CLVS1: variants seen among roughly 807,000 people sequenced by gnomAD.
The protein encoded by CLVS1 is clavesin-1.
CLVS1 carries 10 observed loss-of-function variants against 33.1 expected under a neutral mutation model. The ratio of observed to expected loss-of-function variants is 0.30; its 90% confidence interval spans 0.19 to 0.51. The LOEUF is 0.51. CLVS1 is among the 20% of genes least tolerant of loss of function. The probability of loss-of-function intolerance (pLI) is 0.97; values close to 1 mark genes in which losing one functional copy is unlikely to be tolerated. For missense variants in CLVS1, 343 were observed against 433.4 expected (o/e 0.79, Z 1.85); for synonymous variants, 163 against 166.1 (o/e 0.98, Z 0.14).
chr8:61,409,119 T>C (rs1405486051), intron 3 of CLVS1, among the ~76,000 whole-genome samples: 1 of 152,202 alleles, frequency 6.6e-6, no homozygotes, highest in African/African-American at 2.4e-5. Context: ...GGTGAGACTA[T>C]TAAAATCAGA....
intron 1 of CLVS1, among the ~76,000 whole-genome samples, chr8:61,293,598 A>C (rs1278980192): frequency 6.6e-6 from 1 of 152,216 alleles, no homozygotes; most frequent in Non-Finnish European, 1.5e-5. Flanking sequence ...GCTTAGATAT[A>C]TCAGCAGCAT....
At chr8:61,098,756 A>T (rs1047755901) in intron 1 of CLVS1, among the ~76,000 whole-genome samples, 4 of 152,148 alleles carry the variant, frequency 2.6e-5, no homozygotes, top group Non-Finnish European at 5.9e-5. Context: ...ATCCACCCCC[A>T]GTCTGCCTCT....
At chr8:61,110,566 A>G (rs937348075) in intron 1 of CLVS1, among the ~76,000 whole-genome samples, 23 of 152,252 alleles carry the variant, frequency 1.5e-4, no homozygotes, top group Non-Finnish European at 3.1e-4. Flanking sequence ...CATAAAATGT[A>G]CCATCTTAAC....
chr8:61,300,126 A>G lies in CLVS1; in HGVS notation c.299A>G (p.Tyr100Cys). 1 of 1,614,036 alleles carries G rather than the reference A, an allele frequency of 6.2e-7. No individual in the cohort carries two copies. The highest frequency in any genetic ancestry group is 8.5e-7 in the Non-Finnish European group (1 of 1,179,972). The stretch of plus-strand genomic sequence containing the variant: ...AGACTCCTGGCTCAGTATTTCCAGT[A>G]CCGCCAGCTAAACCTGGACATGTTC... Reference protein sequence around the residue: ...AFRLLAQYFQYRQLNLDMFKN... With the variant: ...AFRLLAQYFQCRQLNLDMFKN... The change falls in exon 2 of 6, where the codon TAC (tyrosine) becomes TGC (cysteine). Residue 100 changes from tyrosine to cysteine, a missense_variant. By Grantham distance (194) the Tyr-to-Cys change is radical (BLOSUM62 -2). Around this residue, in one of 4 missense-constraint regions of CLVS1, gnomAD observed 166 missense variants for 244.0 expected, o/e 0.68. Coordinates refer to ENST00000325897, the MANE Select transcript of CLVS1 (RefSeq NM_173519.3).
intron 2 of CLVS1, among the ~76,000 whole-genome samples, chr8:61,228,684 A>G (rs1808376596): frequency 6.6e-6 from 1 of 152,184 alleles, no homozygotes; most frequent in Admixed American, 6.5e-5. Context: ...CACTTAATAT[A>G]ATGTCCTCCA....
intron 5 of CLVS1, among the ~76,000 whole-genome samples, chr8:61,478,851 C>A (rs1818066304): frequency 6.6e-6 from 1 of 152,098 alleles, no homozygotes; most frequent in Non-Finnish European, 1.5e-5. Context: ...TGAATTTGAT[C>A]CTGTCATTGA....
intron 2 of CLVS1, among the ~76,000 whole-genome samples, chr8:61,176,460 T>A (rs1271352615): frequency 6.6e-6 from 1 of 152,226 alleles, no homozygotes; most frequent in Non-Finnish European, 1.5e-5. Flanking sequence ...TGAATTTTGT[T>A]AATAAGTAGG....
intron 2 of CLVS1, among the ~76,000 whole-genome samples, chr8:61,339,887 G>T: frequency 6.7e-6 from 1 of 150,314 alleles, no homozygotes; most frequent in East Asian, 2.0e-4. Context: ...AAGAGAAGGA[G>T]GGAGGGAGAA....
intron 3 of CLVS1, among the ~76,000 whole-genome samples, chr8:61,446,027 G>T (rs1007354811): frequency 4.6e-5 from 7 of 151,932 alleles, no homozygotes; most frequent in Non-Finnish European, 1.0e-4. Context: ...TCCTAATGTT[G>T]GTAATTTGTG....
intron 5 of CLVS1, among the ~76,000 whole-genome samples, chr8:61,498,781 G>A (rs2129608912): frequency 6.6e-6 from 1 of 152,278 alleles, no homozygotes; most frequent in Middle Eastern, 3.4e-3. Flanking sequence ...CTAGTATACA[G>A]GTGAGAGAAT....
At chr8:61,256,238 G>A (rs1331425881) in intron 2 of CLVS1, among the ~76,000 whole-genome samples, 3 of 152,238 alleles carry the variant, frequency 2.0e-5, no homozygotes, top group South Asian at 2.1e-4. Flanking sequence ...ATTTTAGCCA[G>A]GCGCGGTGGC....
intron 1 of CLVS1, among the ~76,000 whole-genome samples, chr8:61,085,023 G>A (rs1315643560): frequency 1.3e-5 from 2 of 152,144 alleles, no homozygotes; most frequent in African/African-American, 2.4e-5. Flanking sequence ...GGGAATTAGT[G>A]GAATGAAAAA....
chr8:61,113,944 C>G (rs1466828724), intron 1 of CLVS1, among the ~76,000 whole-genome samples: 1 of 152,204 alleles, frequency 6.6e-6, no homozygotes, highest in Non-Finnish European at 1.5e-5. Context: ...TGGGTATATT[C>G]TTTACATCAG....
intron 2 of CLVS1, among the ~76,000 whole-genome samples, chr8:61,133,410 C>T (rs921560233): frequency 2.0e-5 from 3 of 152,020 alleles, no homozygotes; most frequent in Non-Finnish European, 2.9e-5. Context: ...AGGAAGAAGC[C>T]GTGGCATAAC....
chr8:61,065,428 A>C (rs988919279), intron 1 of CLVS1, among the ~76,000 whole-genome samples: 6 of 152,126 alleles, frequency 3.9e-5, no homozygotes, highest in Non-Finnish European at 5.9e-5. Flanking sequence ...ACTGCTCTGG[A>C]TGTATTTGAG....
intron 2 of CLVS1, among the ~76,000 whole-genome samples, chr8:61,183,880 C>A (rs531791879): frequency 2.0e-5 from 3 of 152,092 alleles, no homozygotes; most frequent in Non-Finnish European, 4.4e-5. Flanking sequence ...AGCAGAGCAA[C>A]GTTAGGGTAT....
chr8:61,367,405 G>T lies in CLVS1; in HGVS notation c.456-9200G>T, dbSNP rs138298387. ...CTAAGCTCTTACTATTGTTTATGTGGCTCCTTCTGCCCTTTCCCTTCTATG... is the reference window on the plus strand; with the variant it reads ...CTAAGCTCTTACTATTGTTTATGTGTCTCCTTCTGCCCTTTCCCTTCTATG... On this transcript the variant is annotated intron_variant, in intron 2 of 5. Transcript: ENST00000325897. Among the ~76,000 whole-genome samples the T allele has an allele frequency of 2.0e-5, 3 of 152,198 alleles. No individual in the cohort carries two copies. The East Asian group carries it at 5.8e-4, about 29-fold the overall frequency.
intron 3 of CLVS1, among the ~76,000 whole-genome samples, chr8:61,410,905 G>A (rs535876368): frequency 6.6e-6 from 1 of 152,162 alleles, no homozygotes; most frequent in Non-Finnish European, 1.5e-5. Context: ...GCCTCCCAAA[G>A]TGCTGGGATT....
chr8:60,980,060 G>A, the CLVS1 span, among the ~76,000 whole-genome samples: 2 of 152,128 alleles, frequency 1.3e-5, no homozygotes, highest in African/African-American at 4.8e-5. Flanking sequence ...ACACCCTTGG[G>A]GCAGGATGAG....
Sources: gnomAD v4.1 joint callset for allele counts (sites outside exome capture counted in the v4.1 genomes callset) on GRCh38, gnomAD v4.1.1 for gene constraint, gnomAD v4.1.1 regional missense constraint, MANE v1.5 for transcripts, NCBI Gene and HGNC (gene_info 2026-07-23, HGNC 2026-07-21) for gene names.